The following ZMIZ2 variants were observed in gnomAD, a reference collection of about 807,000 sequenced individuals.
ZMIZ2 encodes the protein zinc finger MIZ domain-containing protein 2.
In ZMIZ2, 26 loss-of-function variants were observed where a neutral mutation model predicts 93.9. The ratio of observed to expected loss-of-function variants is 0.28; its 90% CI spans 0.20 to 0.38. The LOEUF is 0.38. Ranked by LOEUF, ZMIZ2 falls within the 10% of genes least tolerant of loss-of-function variation. The pLI is 1.00. For synonymous variants in ZMIZ2, 485 were observed against 516.4 expected, an observed-to-expected ratio of 0.94 and a Z score of 0.82; for missense variants, 1,023 against 1,235.0, an observed-to-expected ratio of 0.83 and a Z score of 2.57.
At chr7:44,756,841 C>A in intron 3 of ZMIZ2, 106 bp from the exon 4 acceptor site, 1 of 1,404,840 alleles carries the variant, frequency 7.1e-7, no homozygotes, top group Non-Finnish European at 9.9e-7. Context: ...CCCCCCACCT[C>A]TCCCCCAACC....
chr7:44,756,833 C>A (rs749997303), intron 3 of ZMIZ2, 114 bp from the exon 4 acceptor site: 36 of 1,325,282 alleles, frequency 2.7e-5, no homozygotes, highest in Non-Finnish European at 3.6e-5. Flanking sequence ...ACCCTGTCCC[C>A]CCCACCTCTC....
At chr7:44,752,821 G>T (rs1311967054) in intron 1 of ZMIZ2, among the ~76,000 whole-genome samples, 1 of 152,200 alleles carries the variant, frequency 6.6e-6, no homozygotes, top group Non-Finnish European at 1.5e-5. Context: ...AAACATTTGT[G>T]TACAGGTTTT....
At position 44,767,835 on chromosome 7, in the gene ZMIZ2, C is replaced by T. The variant is rs1314639639; in HGVS notation, c.*212C>T. The T allele has an allele frequency of 1.7e-6, 1 of 595,124 alleles. No homozygotes were observed. 36.9% of individuals were successfully genotyped at this position (595,124 alleles called of 1,614,324 possible). ...GGGCTCCCAGGCCGGCAGCCCTTGC[C>T]ACCTCCCTCTGCCAAGCCTGCTGCT... is the stretch of plus-strand genomic sequence containing the variant. On this transcript the variant is annotated 3_prime_UTR_variant, in exon 19 of 19. Transcript: ENST00000309315.
In ZMIZ2 at chr7:44,767,901, C is replaced by G; in HGVS notation, c.*278C>G. 2.0e-6 allele frequency: 1 copy of G among 510,552 alleles called. No individual in the cohort carries two copies. The highest frequency in any genetic ancestry group is 3.6e-6 in the Non-Finnish European group (1 of 279,996). The allele number at this position is 510,552 out of a possible 1,614,324, so 31.6% of individuals were successfully genotyped here. ...CTGAGGTGCCCCTGCCCAGCCCTGT[C>G]CAGCCTTGTCCACACACACATCTCA... On this transcript the variant is annotated 3_prime_UTR_variant, in exon 19 of 19. Transcript: ENST00000309315.
chr7:44,759,635 TG>T (rs1395868130), intron 7 of ZMIZ2, 175 bp downstream of exon 7: 1 of 83,444 alleles, frequency 1.2e-5, no homozygotes, highest in Non-Finnish European at 2.3e-5. Context: ...GGGTGGGGGG[TG>T]GGGGCATTCT....
intron 1 of ZMIZ2, among the ~76,000 whole-genome samples, chr7:44,754,199 A>T (rs578184981): frequency 1.3e-5 from 2 of 152,138 alleles, no homozygotes; most frequent in African/African-American, 4.8e-5. Context: ...GAGTCAGGCT[A>T]TGGGACTGGG....
At chr7:44,764,882 C>T in intron 14 of ZMIZ2, 59 bp from the exon 15 acceptor site, 1 of 1,579,484 alleles carries the variant, frequency 6.3e-7, no homozygotes, top group African/African-American at 1.3e-5. Context: ...ATGACAGGGC[C>T]TGTGCCCAGG....
chr7:44,759,236 CCT>C, intron 6 of ZMIZ2, 43 bp from the exon 7 acceptor site: 1 of 1,451,800 alleles, frequency 6.9e-7, no homozygotes, highest in Non-Finnish European at 9.1e-7. Context: ...AACCAGCTCC[CCT>C]GATGCCTTTT....
At chr7:44,751,718 G>A (rs1163292394) in intron 1 of ZMIZ2, among the ~76,000 whole-genome samples, 1 of 151,910 alleles carries the variant, frequency 6.6e-6, no homozygotes, top group African/African-American at 2.4e-5. Context: ...CACTTTGGGA[G>A]GCCGAGGTGG....
Position 44,765,976 on chromosome 7 carries a change from A to G in ZMIZ2, c.2243-188A>G. 7.1e-6 allele frequency: 10 copies of G among 1,410,116 alleles called. No homozygotes were observed. The highest frequency in any genetic ancestry group is 8.3e-6 in the Non-Finnish European group (9 of 1,088,196). The allele number at this position is 1,410,116 out of a possible 1,614,324, so 87.4% of individuals were successfully genotyped here. On this transcript the variant is annotated intron_variant, in intron 16 of 18. Transcript: ENST00000309315. The surrounding 1 kb of genome is among the most constrained non-coding windows in gnomAD (Gnocchi z 4.1). ...AGACCTTCACTCCTAGGAATGTCCC[A>G]AGGCCAATTCCCTTGGCAGCAATGA...
At chr7:44,755,663 C>T (rs576973471) in intron 1 of ZMIZ2, among the ~76,000 whole-genome samples, 1 of 152,328 alleles carries the variant, frequency 6.6e-6, no homozygotes, top group East Asian at 1.9e-4. Context: ...TCGGCTTTCT[C>T]AGCCCCTGGC....
rs760094901 is a variant in ZMIZ2 at position 44,764,448 on chromosome 7, C to T, written c.1890C>T (p.Leu630=). 5 of 1,614,078 alleles carry T rather than the reference C, an allele frequency of 3.1e-6. No homozygotes were observed. The Admixed American group carries it at 5.0e-5, about 16-fold the overall frequency. The part of the protein sequence containing the change: ...QCFDLESYLQ[L]NCERGTWRCP... ...TTGACCTGGAGTCGTACCTGCAGCT[C>T]AACTGTGAGCGGGGGACTTGGAGGT... Residue 630 remains leucine, a synonymous_variant, in exon 14 of 19, where the codon CTC becomes CTT. Coordinates refer to ENST00000309315, the MANE Select transcript of ZMIZ2 (RefSeq NM_031449.4).
At chr7:44,748,773 T>C (rs1429459615), upstream of ZMIZ2, 1 of 151,488 alleles carries the variant, frequency 6.6e-6, no homozygotes, top group East Asian at 1.9e-4. Context: ...CTCGGGGCTC[T>C]GCTGCTCTGG....
rs3735478 is a variant in ZMIZ2, at chr7:44,760,577, G to T, written c.1224G>T (p.Leu408Phe). ...LPDLKPNLNSLHSSPSGSGPC... is the reference protein window; with the variant it reads ...LPDLKPNLNSFHSSPSGSGPC... ...ATCTCAAGCCCAACCTCAACTCCTTGCACTCATCGCCCTCTGGTAAGTCTG... is the reference window on the plus strand; with the variant it reads ...ATCTCAAGCCCAACCTCAACTCCTTTCACTCATCGCCCTCTGGTAAGTCTG... Residue 408 changes from leucine to phenylalanine, a missense_variant, in exon 9 of 19, where the codon TTG (leucine) becomes TTT (phenylalanine). Coordinates refer to ENST00000309315, the MANE Select transcript of ZMIZ2 (RefSeq NM_031449.4). 431,713 of 1,613,632 alleles carry T rather than the reference G, an allele frequency of 0.27. 62,384 individuals are homozygous for T. The highest frequency in any genetic ancestry group is 0.29 in the Non-Finnish European group (342,203 of 1,179,878).
chr7:44,765,950 G>C lies in ZMIZ2; in HGVS notation c.2243-214G>C. The C allele has an allele frequency of 3.6e-6, 5 of 1,400,576 alleles. No individual in the cohort carries two copies. Among genetic ancestry groups the C allele is most frequent in the Non-Finnish European group, 3.7e-6 (4 of 1,083,238 alleles). 86.8% of individuals were successfully genotyped at this position (1,400,576 alleles called of 1,614,324 possible). A position where few individuals can be genotyped will look rare whatever the true frequency, so the allele number is the denominator to read the frequency against. The stretch of plus-strand genomic sequence containing the variant: ...GGCTGCTCCCATTCCTATAACCTCC[G>C]AGACCTTCACTCCTAGGAATGTCCC... On this transcript the variant is annotated intron_variant, in intron 16 of 18. Coordinates refer to ENST00000309315, the MANE Select transcript of ZMIZ2 (RefSeq NM_031449.4). The surrounding 1 kb of genome is among the most constrained non-coding windows in gnomAD (Gnocchi z 4.1).
chr7:44,763,499 C>A lies in ZMIZ2; in HGVS notation c.1860+86C>A. 18 of 1,529,040 alleles carry A rather than the reference C, an allele frequency of 1.2e-5. No individual in the cohort carries two copies. The highest frequency in any genetic ancestry group is 1.6e-5 in the Non-Finnish European group (18 of 1,128,968). The allele number at this position is 1,529,040 out of a possible 1,614,324, so 94.7% of individuals were successfully genotyped here. A position where few individuals can be genotyped will look rare whatever the true frequency, so the allele number is the denominator to read the frequency against. On this transcript the variant is annotated intron_variant, in intron 13 of 18. Transcript: ENST00000309315. This position sits in a 1 kb window ranked among gnomAD's most constrained non-coding sequence, Gnocchi z 5.6. ...ACATCAGTGTCATTCTCTGGACAGA[C>A]GTGAACTCCGAGTGCCTTGGCTGTC...
chr7:44,764,145 A>G (rs1367209487), intron 13 of ZMIZ2, among the ~76,000 whole-genome samples: 1 of 152,144 alleles, frequency 6.6e-6, no homozygotes, highest in Non-Finnish European at 1.5e-5. Context: ...TCTCGAAACA[A>G]AACAAAAATA....
At chr7:44,756,858 C>T in intron 3 of ZMIZ2, 89 bp from the exon 4 acceptor site, 1 of 1,511,218 alleles carries the variant, frequency 6.6e-7, no homozygotes, top group Non-Finnish European at 9.1e-7. Flanking sequence ...AACCCACTTG[C>T]CAGGCCTGTT....
intron 13 of ZMIZ2, among the ~76,000 whole-genome samples, chr7:44,764,095 G>A (rs1791462094): frequency 6.6e-6 from 1 of 152,162 alleles, no homozygotes; most frequent in Non-Finnish European, 1.5e-5. Context: ...CTGAGATCGA[G>A]CCACTGCATT....
Sources: gnomAD v4.1 joint callset for allele counts (sites outside exome capture counted in the v4.1 genomes callset) on GRCh38, gnomAD v4.1.1 for gene constraint, Gnocchi (gnomAD v3.1) non-coding constraint, MANE v1.5 for transcripts, NCBI Gene and HGNC (gene_info 2026-07-23, HGNC 2026-07-21) for gene names.